Variants in SMARCC1 observed in about 807,000 individuals in gnomAD.
SMARCC1 encodes the protein SWI/SNF complex subunit SMARCC1.
In SMARCC1, 43 loss-of-function variants were observed where a neutral mutation model predicts 147.4. The observed-to-expected ratio is 0.29, with a 90% confidence interval of 0.23 to 0.38. The LOEUF (loss-of-function observed/expected upper bound fraction) is 0.38. SMARCC1 is among the 10% of genes least tolerant of loss of function. SMARCC1 has a pLI of 1.00. For synonymous variants in SMARCC1, 495 were observed against 484.4 expected, an observed-to-expected ratio of 1.02 and a Z score of -0.29; for missense variants, 1,119 against 1,381.1, an observed-to-expected ratio of 0.81 and a Z score of 3.01.
rs549442698 is a variant in SMARCC1, at chr3:47,596,053, CCAAAAA to C, written c.3044-5222_3044-5217del. 3.2e-4 allele frequency among the ~76,000 whole-genome samples: 45 copies of C among 141,858 alleles called. 1 individual carries two copies. In the Admixed American group the frequency reaches 3.2e-3, roughly 10 times the overall value. The allele number at this position is 141,858 out of a possible 152,430, so 93.1% of individuals were successfully genotyped here. ...CGGCCAGGTTTTTTTTTTTTCTTTC[CCAAAAA>C]CAAAAACAAAAACAAAACAAAACAA... On this transcript the variant is annotated intron_variant, in intron 26 of 27. Transcript: ENST00000254480.
chr3:47,685,973 A>G (rs1296162614), intron 14 of SMARCC1, 76 bp downstream of exon 14: 1 of 1,251,454 alleles, frequency 8.0e-7, no homozygotes, highest in African/African-American at 1.5e-5. Context: ...ACATGGGCAG[A>G]AAGGCACAAC....
intron 24 of SMARCC1, among the ~76,000 whole-genome samples, chr3:47,632,009 T>C (rs551052206): frequency 6.6e-6 from 1 of 152,284 alleles, no homozygotes; most frequent in Admixed American, 6.5e-5. Flanking sequence ...CTAGGTGTTT[T>C]GAGAATGAAG....
chr3:47,729,103 C>A lies in SMARCC1; in HGVS notation c.577-9G>T. 1 of 1,599,832 alleles carries A rather than the reference C, an allele frequency of 6.3e-7. No homozygotes were observed. Among genetic ancestry groups the A allele is most frequent in the East Asian group, 2.2e-5 (1 of 44,656 alleles). On this transcript the variant is annotated splice_polypyrimidine_tract_variant and intron_variant, in intron 5 of 27. Coordinates refer to ENST00000254480, the MANE Select transcript of SMARCC1 (RefSeq NM_003074.4). ...TCATCCGTAAATGTTCCCTGGAAAG[C>A]AAATGAACAAAAACCACAAAAATAA...
intron 3 of SMARCC1, among the ~76,000 whole-genome samples, chr3:47,739,317 A>G (rs747899360): frequency 5.9e-5 from 9 of 152,136 alleles, no homozygotes; most frequent in Non-Finnish European, 5.9e-5. Context: ...AATGTTAGCT[A>G]TAGTTATAAT....
At chr3:47,614,302 T>C (rs1300551731) in intron 25 of SMARCC1, among the ~76,000 whole-genome samples, 1 of 152,358 alleles carries the variant, frequency 6.6e-6, no homozygotes, top group Admixed American at 6.5e-5. Context: ...TGTTGCAGTG[T>C]GCTTGCTTCT....
intron 21 of SMARCC1, among the ~76,000 whole-genome samples, chr3:47,654,619 T>C (rs759136030): frequency 1.3e-5 from 2 of 152,204 alleles, no homozygotes; most frequent in Non-Finnish European, 2.9e-5. Flanking sequence ...ACTTAGAAGT[T>C]CAAGGGCATG....
At chr3:47,594,418 G>A (rs906200074) in intron 26 of SMARCC1, among the ~76,000 whole-genome samples, 14 of 152,298 alleles carry the variant, frequency 9.2e-5, no homozygotes, top group South Asian at 2.1e-4. Context: ...TGAACACTGC[G>A]ACTAGGACCA....
At chr3:47,757,468 G>A (rs1383500089) in intron 2 of SMARCC1, among the ~76,000 whole-genome samples, 1 of 151,996 alleles carries the variant, frequency 6.6e-6, no homozygotes, top group Non-Finnish European at 1.5e-5. Flanking sequence ...CCAAGGATTG[G>A]TGAGAAAGTA....
At chr3:47,711,918 A>G (rs2034088420) in intron 8 of SMARCC1, among the ~76,000 whole-genome samples, 1 of 152,222 alleles carries the variant, frequency 6.6e-6, no homozygotes, top group African/African-American at 2.4e-5. Flanking sequence ...TAAACAGAGC[A>G]GTATAAATAG....
intron 9 of SMARCC1, among the ~76,000 whole-genome samples, chr3:47,710,188 G>A (rs1389075871): frequency 6.6e-6 from 1 of 152,092 alleles, no homozygotes; most frequent in East Asian, 1.9e-4. Flanking sequence ...ATGGTGGCAA[G>A]CGCCTATAAT....
chr3:47,714,610 T>G (rs768209186), intron 7 of SMARCC1, 120 bp from the exon 8 acceptor site: 2 of 605,536 alleles, frequency 3.3e-6, no homozygotes, highest in African/African-American at 3.8e-5. Flanking sequence ...CTGGTCAACA[T>G]GGTGAAACTG....
chr3:47,684,732 C>T (rs2033700146), intron 14 of SMARCC1, among the ~76,000 whole-genome samples: 1 of 152,112 alleles, frequency 6.6e-6, no homozygotes, highest in Admixed American at 6.6e-5. Flanking sequence ...CATAAGCCAC[C>T]ATGCTGGGCA....
chr3:47,605,869 G>A (rs2032463379), intron 26 of SMARCC1, among the ~76,000 whole-genome samples: 1 of 152,108 alleles, frequency 6.6e-6, no homozygotes, highest in Non-Finnish European at 1.5e-5. Flanking sequence ...AGTCTACGGC[G>A]CTAGAAGTCA....
At chr3:47,775,251 C>T (rs1379004748) in intron 1 of SMARCC1, among the ~76,000 whole-genome samples, 1 of 151,108 alleles carries the variant, frequency 6.6e-6, no homozygotes, top group Non-Finnish European at 1.5e-5. Context: ...AGCTCTGCCC[C>T]CCAGGTTCAC....
At chr3:47,676,219 T>C (rs1022759820) in intron 17 of SMARCC1, among the ~76,000 whole-genome samples, 2 of 152,194 alleles carry the variant, frequency 1.3e-5, no homozygotes, top group African/African-American at 2.4e-5. Flanking sequence ...ATAATGTATA[T>C]ATGGATATAC....
At chr3:47,643,048 A>G (rs1352426632) in intron 21 of SMARCC1, among the ~76,000 whole-genome samples, 3 of 152,206 alleles carry the variant, frequency 2.0e-5, no homozygotes, top group Non-Finnish European at 1.5e-5. Context: ...CCTGTCTGAA[A>G]GCAAGCAAAC....
chr3:47,753,066 C>G (rs2034645440), intron 2 of SMARCC1, among the ~76,000 whole-genome samples: 1 of 152,170 alleles, frequency 6.6e-6, no homozygotes, highest in Admixed American at 6.6e-5. Context: ...TAAATCTAGG[C>G]CGGGCACTAC....
chr3:47,664,661 C>T (rs2033399688), intron 19 of SMARCC1, among the ~76,000 whole-genome samples: 1 of 152,170 alleles, frequency 6.6e-6, no homozygotes, highest in South Asian at 2.1e-4. Context: ...GAAGTTGCTA[C>T]TCTCACACCA....
chr3:47,714,436 T>C lies in SMARCC1; in HGVS notation c.771A>G (p.Pro257=). Residue 257 remains proline, a synonymous_variant, in exon 8 of 28, where the codon CCA becomes CCG. Transcript: ENST00000254480. ...TTACCTTCCATGGTTTTTCTGGAAT[T>C]GGTGGATCTTCAATTTCAGCATCAA... ...NDVDAEIEDP[P]IPEKPWKVHV... is the part of the protein sequence containing the mutation. 1 of 1,588,974 alleles carries C rather than the reference T, an allele frequency of 6.3e-7. No homozygotes were observed. The highest frequency in any genetic ancestry group is 8.6e-7 in the Non-Finnish European group (1 of 1,158,788).
Sources: gnomAD v4.1 joint callset for allele counts (sites outside exome capture counted in the v4.1 genomes callset) on GRCh38, gnomAD v4.1.1 for gene constraint, MANE v1.5 for transcripts, NCBI Gene and HGNC (gene_info 2026-07-23, HGNC 2026-07-21) for gene names.